Variants in HYDIN observed in about 807,000 individuals in gnomAD.
HYDIN encodes axonemal central pair apparatus protein HYDIN.
Under a neutral mutation model 403.9 loss-of-function variants are expected in HYDIN, and 132 were observed. The observed-to-expected ratio is 0.33, with a 90% CI of 0.28 to 0.38. HYDIN has a LOEUF of 0.38. Among genes scored for constraint, HYDIN ranks in the 10% least tolerant of loss-of-function variants. The pLI, the probability that HYDIN is intolerant of heterozygous loss-of-function variation, is 1.00. For synonymous variants in HYDIN, 1,202 were observed against 1,891.7 expected (o/e 0.64, Z 9.46); for missense variants, 2,827 against 5,009.5 (o/e 0.56, Z 13.15).
chr16:71,177,936 C>A (rs1373797798), intron 4 of HYDIN, among the ~76,000 whole-genome samples: 1 of 152,050 alleles, frequency 6.6e-6, no homozygotes, highest in East Asian at 1.9e-4. Flanking sequence ...TCTTCCATTA[C>A]AATTGCAAAG....
intron 78 of HYDIN, among the ~76,000 whole-genome samples, chr16:70,834,562 T>C (rs1330940248): frequency 6.6e-6 from 1 of 152,060 alleles, no homozygotes; most frequent in Non-Finnish European, 1.5e-5. Context: ...AAAATGCAGA[T>C]TCCGGTTGGG....
intron 13 of HYDIN, among the ~76,000 whole-genome samples, chr16:71,070,291 TTCCTTCC>T (rs2082423645): frequency 2.0e-5 from 3 of 151,590 alleles, no homozygotes; most frequent in Admixed American, 6.6e-5. Flanking sequence ...CCTTCCTTCC[TTCCTTCC>T]TCCTTCCTTC....
intron 13 of HYDIN, among the ~76,000 whole-genome samples, chr16:71,078,635 G>C (rs913469270): frequency 6.6e-6 from 1 of 152,100 alleles, no homozygotes; most frequent in African/African-American, 2.4e-5. Context: ...CTCTTAGGTA[G>C]CTGGGGCGAC....
At chr16:71,175,452 CCAA>C (rs1032729600) in intron 5 of HYDIN, among the ~76,000 whole-genome samples, 152 bp downstream of exon 5, 10 of 151,882 alleles carry the variant, frequency 6.6e-5, no homozygotes, top group South Asian at 2.1e-4. Context: ...ACCAATACCA[CCAA>C]CAACAACAAC....
At chr16:71,129,510 AG>A (rs1262403398) in intron 9 of HYDIN, 129 bp downstream of exon 9, 1 of 724,570 alleles carries the variant, frequency 1.4e-6, no homozygotes, top group African/African-American at 1.8e-5. Context: ...AGTGATGGTG[AG>A]TTTCTTCAGG....
At chr16:71,047,249 A>T (rs2081479770) in intron 18 of HYDIN, among the ~76,000 whole-genome samples, 1 of 152,018 alleles carries the variant, frequency 6.6e-6, no homozygotes, top group Non-Finnish European at 1.5e-5. Flanking sequence ...TTATTCTCAG[A>T]TGAATCATAT....
At chr16:70,937,974 TG>T (rs2077546002) in intron 44 of HYDIN, among the ~76,000 whole-genome samples, 1 of 151,964 alleles carries the variant, frequency 6.6e-6, no homozygotes, top group South Asian at 2.1e-4. Context: ...CTAGGAGGCA[TG>T]GGGGGATCGA....
In HYDIN at chr16:70,992,169, G is replaced by A. The variant is rs760514653; in HGVS notation, c.3686C>T (p.Ser1229Phe). 1 of 1,610,818 alleles carries A rather than the reference G, an allele frequency of 6.2e-7. No individual in the cohort carries two copies. The highest frequency in any genetic ancestry group is 1.3e-5 in the African/African-American group (1 of 74,696). Reference sequence around the variant, plus strand: ...GGTTGCTGGGATGGACTCCATCTGGGACACTGGGGCACTGTAGGGCTTCTT... The same window carrying A: ...GGTTGCTGGGATGGACTCCATCTGGAACACTGGGGCACTGTAGGGCTTCTT... ...LPKKPYSAPV[S>F]QMESIPATSE... is the part of the protein sequence containing the mutation. Residue 1229 changes from serine to phenylalanine, a missense_variant, in exon 24 of 86, where the codon TCC becomes TTC. By Grantham distance (155) the Ser-to-Phe change is radical (BLOSUM62 -2). Coordinates refer to ENST00000393567, the MANE Select transcript of HYDIN (RefSeq NM_001270974.2).
chr16:71,094,479 C>A (rs998828359), intron 10 of HYDIN, among the ~76,000 whole-genome samples: 1 of 151,864 alleles, frequency 6.6e-6, no homozygotes, highest in Non-Finnish European at 1.5e-5. Context: ...CTGTGATCAC[C>A]TGAAATACCA....
chr16:70,940,737 T>TC (rs1357620015), intron 43 of HYDIN, among the ~76,000 whole-genome samples: 1 of 151,970 alleles, frequency 6.6e-6, no homozygotes, highest in Non-Finnish European at 1.5e-5. Context: ...AAGCTGACTT[T>TC]GAGTTCTGTT....
intron 49 of HYDIN, 62 bp from the exon 50 acceptor site, chr16:70,907,553 G>A (rs1306191335): frequency 9.2e-6 from 4 of 432,900 alleles, no homozygotes; most frequent in South Asian, 2.6e-5. Context: ...ATGCTGCCAC[G>A]TGATGTTTAC....
chr16:71,178,434 AATATAT>A (rs1555501893), intron 4 of HYDIN, among the ~76,000 whole-genome samples: 9 of 94,572 alleles, frequency 9.5e-5, no homozygotes, highest in Admixed American at 9.4e-4. Flanking sequence ...AAAAAAAAAA[AATATAT>A]ATATATATAT....
At chr16:71,021,161 C>G (rs1323662776) in intron 21 of HYDIN, among the ~76,000 whole-genome samples, 4 of 151,314 alleles carry the variant, frequency 2.6e-5, no homozygotes, top group Non-Finnish European at 1.5e-5. Flanking sequence ...CTGATAATAC[C>G]AGGATAGTTG....
chr16:71,221,272 C>A (rs931034141), intron 1 of HYDIN, among the ~76,000 whole-genome samples: 6 of 150,836 alleles, frequency 4.0e-5, no homozygotes, highest in African/African-American at 1.5e-4. Context: ...AAAAAAAAAA[C>A]CCTGAAAGGT....
chr16:71,184,560 T>C (rs1049324731), intron 3 of HYDIN, among the ~76,000 whole-genome samples: 4 of 152,170 alleles, frequency 2.6e-5, no homozygotes, highest in African/African-American at 9.6e-5. Flanking sequence ...AATAACTTAA[T>C]TGGGCTTGAC....
intron 18 of HYDIN, among the ~76,000 whole-genome samples, chr16:71,047,738 C>G (rs1467509136): frequency 6.8e-6 from 1 of 147,328 alleles, no homozygotes; most frequent in Non-Finnish European, 1.5e-5. Flanking sequence ...AATAATTGTG[C>G]ATATTTATGG....
At chr16:70,835,237 C>T (rs1382420251) in intron 78 of HYDIN, among the ~76,000 whole-genome samples, 4 of 151,770 alleles carry the variant, frequency 2.6e-5, no homozygotes, top group Non-Finnish European at 5.9e-5. Flanking sequence ...GCCTTGTGAT[C>T]CACCTGCCTC....
intron 78 of HYDIN, among the ~76,000 whole-genome samples, chr16:70,835,377 G>C (rs1046114548): frequency 2.6e-5 from 4 of 152,126 alleles, no homozygotes; most frequent in African/African-American, 7.2e-5. Flanking sequence ...ATAGAGAACT[G>C]GGCTGTCTAC....
At chr16:71,187,836 C>T (rs1308052618) in intron 1 of HYDIN, among the ~76,000 whole-genome samples, 1 of 152,108 alleles carries the variant, frequency 6.6e-6, no homozygotes, top group Non-Finnish European at 1.5e-5. Flanking sequence ...AAAAAGGGGT[C>T]ATTATGGCAG....
Sources: gnomAD v4.1 joint callset for allele counts (sites outside exome capture counted in the v4.1 genomes callset) on GRCh38, gnomAD v4.1.1 for gene constraint, MANE v1.5 for transcripts, NCBI Gene and HGNC (gene_info 2026-07-23, HGNC 2026-07-21) for gene names.